Variants in NAALADL2 observed in about 807,000 individuals in gnomAD.
NAALADL2 encodes inactive N-acetylated-alpha-linked acidic dipeptidase-like protein 2.
In NAALADL2, 76 loss-of-function variants were observed where a neutral mutation model predicts 87.2. The ratio of observed to expected loss-of-function variants is 0.87; its 90% CI spans 0.72 to 1.05. The LOEUF (loss-of-function observed/expected upper bound fraction) is 1.05, where lower values mean the gene tolerates loss of function less well. Ranked by LOEUF, NAALADL2 falls within the 50% of genes least tolerant of loss-of-function variation. The pLI is 0.00. For missense variants in NAALADL2, 1,089 were observed against 945.8 expected (o/e 1.15, Z -1.99); for synonymous variants, 354 against 331.0 (o/e 1.07, Z -0.75).
At chr3:175,338,487 T>G (rs1286025401) in intron 5 of NAALADL2, among the ~76,000 whole-genome samples, 5 of 150,820 alleles carry the variant, frequency 3.3e-5, no homozygotes, top group Admixed American at 6.6e-5. Context: ...TCCCCGTCCC[T>G]GTGAGGAAAT....
intron 2 of NAALADL2, among the ~76,000 whole-genome samples, chr3:175,220,663 TTTC>T (rs1341108070): frequency 4.6e-5 from 7 of 152,122 alleles, no homozygotes; most frequent in Non-Finnish European, 1.0e-4. Flanking sequence ...TTGATGAGTT[TTTC>T]TTCTGTATAC....
intron 2 of NAALADL2, among the ~76,000 whole-genome samples, chr3:175,102,754 A>G (rs1330236193): frequency 6.6e-6 from 1 of 152,212 alleles, no homozygotes; most frequent in Non-Finnish European, 1.5e-5. Context: ...AATGATCTTT[A>G]TAAGCAATAT....
chr3:174,842,126 A>G (rs1175147084), intron 3 of NAALADL2, among the ~76,000 whole-genome samples: 2 of 150,274 alleles, frequency 1.3e-5, no homozygotes, highest in East Asian at 3.9e-4. Context: ...ATCTCTGCTC[A>G]CCATAAACTC....
chr3:174,944,434 C>T (rs934224757), intron 1 of NAALADL2, among the ~76,000 whole-genome samples: 1 of 152,138 alleles, frequency 6.6e-6, no homozygotes, highest in Non-Finnish European at 1.5e-5. Context: ...GCCCACCCCT[C>T]CCCCGGGAGC....
At chr3:175,513,469 G>A (rs543837259) in intron 9 of NAALADL2, among the ~76,000 whole-genome samples, 1 of 152,098 alleles carries the variant, frequency 6.6e-6, no homozygotes, top group Non-Finnish European at 1.5e-5. Flanking sequence ...CTAGTGATTA[G>A]CATATCCAAT....
At chr3:175,747,640 T>C (rs1444096114) in intron 12 of NAALADL2, among the ~76,000 whole-genome samples, 1 of 140,472 alleles carries the variant, frequency 7.1e-6, no homozygotes, top group African/African-American at 3.0e-5. Context: ...CATTTAAGCC[T>C]TTTTTTTTTC....
rs1393841794 is a variant in NAALADL2 at position 175,477,214 on chromosome 3, C to T, written c.1653+5456C>T. ...TAGAACTTTACAGATGTTTCTTAAA[C>T]TTCTTTCAGTGTATATATAAATCAA... On this transcript the variant is annotated intron_variant, in intron 9 of 13. Transcript: ENST00000454872. Among the ~76,000 whole-genome samples the T allele has an allele frequency of 3.3e-5, 5 of 152,090 alleles. No homozygotes were observed. The East Asian group carries it at 9.6e-4, about 29-fold the overall frequency.
chr3:174,736,964 G>A (rs982814514), intron 2 of NAALADL2, among the ~76,000 whole-genome samples: 1 of 152,166 alleles, frequency 6.6e-6, no homozygotes, highest in South Asian at 2.1e-4. Context: ...CCAAGCCTGC[G>A]CACACCCAGC....
At chr3:175,191,217 T>C (rs1403938451) in intron 2 of NAALADL2, among the ~76,000 whole-genome samples, 1 of 152,052 alleles carries the variant, frequency 6.6e-6, no homozygotes, top group African/African-American at 2.4e-5. Context: ...TTTATATGTG[T>C]CCCCTAATAT....
intron 9 of NAALADL2, among the ~76,000 whole-genome samples, chr3:175,474,360 G>T (rs2149301383): frequency 6.6e-6 from 1 of 152,130 alleles, no homozygotes. Context: ...TGTTTTAATG[G>T]ATTACAAGCT....
intron 2 of NAALADL2, among the ~76,000 whole-genome samples, chr3:175,120,641 G>A (rs1396465324): frequency 6.6e-6 from 1 of 151,778 alleles, no homozygotes; most frequent in East Asian, 1.9e-4. Flanking sequence ...TAAAAAGTCT[G>A]TTATCTTCAA....
chr3:175,271,188 C>G (rs1390342542), intron 4 of NAALADL2: 2 of 152,082 alleles, frequency 1.3e-5, no homozygotes, highest in African/African-American at 2.4e-5. Context: ...ACAAAAGTTA[C>G]TGATTTAATC....
intron 4 of NAALADL2, among the ~76,000 whole-genome samples, chr3:175,320,371 G>A: frequency 6.6e-6 from 1 of 152,290 alleles, no homozygotes; most frequent in South Asian, 2.1e-4. Context: ...TCAAATGACA[G>A]GGTCTATTCT....
chr3:174,842,358 A>C (rs915483258), intron 3 of NAALADL2, among the ~76,000 whole-genome samples: 2 of 152,080 alleles, frequency 1.3e-5, no homozygotes, highest in African/African-American at 4.8e-5. Context: ...GCCACATTTA[A>C]ACTTTTTAAT....
At position 175,805,469 on chromosome 3, in the gene NAALADL2, C is replaced by T. The variant is rs1046974315; in HGVS notation, c.*2266C>T. 6 of 151,778 alleles carry T rather than the reference C, an allele frequency of 4.0e-5. No homozygotes were observed. The highest frequency in any genetic ancestry group is 5.9e-5 in the Non-Finnish European group (4 of 67,864). 9.4% of individuals were successfully genotyped at this position (151,778 alleles called of 1,614,324 possible). Reference sequence around the variant, plus strand: ...GATATTAAATTATACCTAAAGCAGACGTCCAACAAATTCTGTACATGCTGC... The same window carrying T: ...GATATTAAATTATACCTAAAGCAGATGTCCAACAAATTCTGTACATGCTGC... On this transcript the variant is annotated 3_prime_UTR_variant, in exon 14 of 14. Transcript: ENST00000454872.
chr3:175,189,030 G>T (rs992370368), intron 2 of NAALADL2, among the ~76,000 whole-genome samples: 4 of 152,138 alleles, frequency 2.6e-5, no homozygotes, highest in African/African-American at 9.7e-5. Flanking sequence ...CCCTGGTTTT[G>T]TTGGTGATAG....
In NAALADL2 at chr3:175,559,211, T is replaced by C. The variant is rs182013989; in HGVS notation, c.1654-16830T>C. On this transcript the variant is annotated intron_variant, in intron 9 of 13. Transcript: ENST00000454872. ...ATTGTAAGTGGAATTACTTTCTTGATTGCTTTTTCAAATTGTTTGCTGTTG... is the reference window on the plus strand; with the variant it reads ...ATTGTAAGTGGAATTACTTTCTTGACTGCTTTTTCAAATTGTTTGCTGTTG... Among the ~76,000 whole-genome samples the C allele has an allele frequency of 3.9e-4, 59 of 152,324 alleles. No homozygotes were observed. In the East Asian group the frequency reaches 0.011, roughly 29 times the overall value.
intron 2 of NAALADL2, among the ~76,000 whole-genome samples, chr3:174,602,147 A>T (rs1718515984): frequency 1.3e-5 from 2 of 152,100 alleles, no homozygotes; most frequent in Admixed American, 6.5e-5. Flanking sequence ...TTATTTTTCT[A>T]TTTCCATGCA....
At chr3:174,903,927 G>A (rs1732609146) in intron 1 of NAALADL2, among the ~76,000 whole-genome samples, 1 of 150,926 alleles carries the variant, frequency 6.6e-6, no homozygotes, top group Non-Finnish European at 1.5e-5. Flanking sequence ...CTCTGGAAAG[G>A]ATATTCTTCG....
Sources: allele counts gnomAD v4.1 joint callset (sites outside exome capture counted in the v4.1 genomes callset), GRCh38; gene constraint gnomAD v4.1.1; transcripts MANE v1.5; gene names NCBI Gene and HGNC (gene_info 2026-07-23, HGNC 2026-07-21).